The following TCEA1 variants were observed in gnomAD, a reference collection of about 807,000 sequenced individuals.
TCEA1 encodes transcription elongation factor A1, also known as transcription elongation factor A protein 1.
TCEA1 carries 21 observed loss-of-function variants against 43.8 expected under a neutral mutation model. That is an observed-to-expected ratio of 0.48 (90% CI 0.34 to 0.69). The LOEUF (loss-of-function observed/expected upper bound fraction) is 0.69, where lower values mean the gene tolerates loss of function less well. TCEA1 is among the 30% of genes least tolerant of loss of function. The probability of loss-of-function intolerance (pLI) is 0.01; values close to 1 mark genes in which losing one functional copy is unlikely to be tolerated. For missense variants in TCEA1, 250 were observed against 365.1 expected (o/e 0.68, Z 2.57); for synonymous variants, 104 against 117.5 (o/e 0.88, Z 0.75).
intron 2 of TCEA1, among the ~76,000 whole-genome samples, chr8:54,004,570 C>T (rs1804378333): frequency 6.6e-6 from 1 of 152,148 alleles, no homozygotes; most frequent in Admixed American, 6.5e-5. Flanking sequence ...AACTCCAGAA[C>T]AGGCAAACCT....
intron 7 of TCEA1, among the ~76,000 whole-genome samples, chr8:53,981,927 CTTTTTT>C (rs35034211): frequency 7.8e-6 from 1 of 128,168 alleles, no homozygotes; most frequent in Non-Finnish European, 1.7e-5. Context: ...GCTAAGTTTT[CTTTTTT>C]TTTTTTTTTT....
At chr8:54,008,960 G>A (rs1283389779) in intron 2 of TCEA1, among the ~76,000 whole-genome samples, 4 of 149,712 alleles carry the variant, frequency 2.7e-5, no homozygotes, top group Non-Finnish European at 4.4e-5. Context: ...ACTGATTCTC[G>A]TGCCTCAGCC....
intron 3 of TCEA1, among the ~76,000 whole-genome samples, chr8:53,998,461 C>T (rs1804138616): frequency 6.6e-6 from 1 of 151,976 alleles, no homozygotes; most frequent in African/African-American, 2.4e-5. Flanking sequence ...TTCTTTTAGC[C>T]CTACTTGAGG....
chr8:53,991,730 C>T lies in TCEA1; in HGVS notation c.320+1938G>A, dbSNP rs188781251. Among the ~76,000 whole-genome samples the T allele has an allele frequency of 3.0e-3, 461 of 151,494 alleles. 1 individual carries two copies. The highest frequency in any genetic ancestry group is 4.6e-3 in the Admixed American group (70 of 15,216). Reference sequence around the variant, plus strand: ...AATAATAATAATAAAATAATAAAAACAAAGACAATGAGAGACTGAGGAACT... The same window carrying T: ...AATAATAATAATAAAATAATAAAAATAAAGACAATGAGAGACTGAGGAACT... On this transcript the variant is annotated intron_variant, in intron 4 of 9. Transcript: ENST00000521604.
At chr8:53,969,158 C>T (rs1187035421) in intron 9 of TCEA1, among the ~76,000 whole-genome samples, 2 of 152,138 alleles carry the variant, frequency 1.3e-5, no homozygotes, top group African/African-American at 4.8e-5. Flanking sequence ...GGCATGGTGG[C>T]ACATTCCTGT....
chr8:53,975,278 G>A (rs1030904816), intron 8 of TCEA1, among the ~76,000 whole-genome samples: 4 of 152,062 alleles, frequency 2.6e-5, no homozygotes, highest in Admixed American at 6.5e-5. Context: ...CAAAATACTG[G>A]TAATTGTTCT....
At chr8:54,003,185 C>T (rs766316887) in intron 2 of TCEA1, 1 of 391,020 alleles carries the variant, frequency 2.6e-6, no homozygotes, top group African/African-American at 2.1e-5. Flanking sequence ...AAGAAACACA[C>T]AGCTACTATA....
chr8:53,984,331 A>G (rs2129302380), intron 7 of TCEA1, 32 bp downstream of exon 7: 1 of 1,562,510 alleles, frequency 6.4e-7, no homozygotes, highest in South Asian at 1.2e-5. Flanking sequence ...ACAGAATCAC[A>G]TTATAGAAAC....
At chr8:53,970,304 T>TTA (rs777718800) in intron 9 of TCEA1, 88 bp downstream of exon 9, 2 of 873,460 alleles carry the variant, frequency 2.3e-6, no homozygotes, top group Admixed American at 3.5e-5. Context: ...CTGTATATAT[T>TTA]TAGATATCTA....
chr8:54,005,441 T>C (rs1804408552), intron 2 of TCEA1, among the ~76,000 whole-genome samples: 1 of 152,178 alleles, frequency 6.6e-6, no homozygotes, highest in Non-Finnish European at 1.5e-5. Context: ...TGCATATACT[T>C]GTTTCATAGG....
At chr8:54,010,179 T>A (rs1456308804) in intron 2 of TCEA1, 1 of 372,772 alleles carries the variant, frequency 2.7e-6, no homozygotes, top group African/African-American at 2.2e-5. Flanking sequence ...CAACTTCCTC[T>A]CACAGTGAGA....
At position 54,003,298 on chromosome 8, in the gene TCEA1, C is replaced by T. The variant is rs1168941391; in HGVS notation, c.127-3248G>A. On this transcript the variant is annotated intron_variant, in intron 2 of 9. Transcript: ENST00000521604. ...GTTAAGACTGCAATACTAATCAAGT[C>T]GAACTACTGACTCAATGCAATGCCT... Among the ~76,000 whole-genome samples, 5 of 152,242 alleles carry T rather than the reference C, an allele frequency of 3.3e-5. No homozygotes were observed. The East Asian group carries it at 7.7e-4, about 24-fold the overall frequency.
At chr8:53,973,796 C>T (rs561274069) in intron 8 of TCEA1, 20 of 417,740 alleles carry the variant, frequency 4.8e-5, no homozygotes, top group Admixed American at 4.7e-4. Flanking sequence ...ATCCCAATTT[C>T]AAGAAAACAA....
At chr8:54,020,856 C>T (rs539046527) in intron 1 of TCEA1, among the ~76,000 whole-genome samples, 1 of 152,118 alleles carries the variant, frequency 6.6e-6, no homozygotes, top group Admixed American at 6.5e-5. Flanking sequence ...ATGTGCCGAA[C>T]GTGGTTAAAC....
intron 1 of TCEA1, among the ~76,000 whole-genome samples, chr8:54,013,659 C>A (rs979041256): frequency 2.8e-5 from 3 of 108,892 alleles, no homozygotes; most frequent in Non-Finnish European, 3.4e-5. Context: ...CCAACCTGGA[C>A]GATAGAGCAA....
intron 8 of TCEA1, chr8:53,972,595 T>C (rs1803191473): frequency 2.5e-5 from 14 of 567,676 alleles, no homozygotes; most frequent in South Asian, 1.7e-4. Context: ...GGAGGTGTTA[T>C]ATTTCCTGTA....
intron 8 of TCEA1, chr8:53,973,452 G>T: frequency 2.0e-6 from 1 of 507,006 alleles, no homozygotes; most frequent in Admixed American, 2.9e-5. Flanking sequence ...TGATATGAAT[G>T]ACCAGTACTT....
chr8:54,008,074 G>A (rs186029561), intron 2 of TCEA1, among the ~76,000 whole-genome samples: 1 of 151,200 alleles, frequency 6.6e-6, no homozygotes, highest in Non-Finnish European at 1.5e-5. Context: ...CCCAGCTACT[G>A]GGGAGGCTAA....
chr8:53,972,752 G>T, intron 8 of TCEA1: 1 of 708,388 alleles, frequency 1.4e-6, no homozygotes, highest in South Asian at 1.4e-5. Flanking sequence ...TCAAATGACT[G>T]AAGTACTATT....
Sources: gnomAD v4.1 joint callset for allele counts (sites outside exome capture counted in the v4.1 genomes callset) on GRCh38, gnomAD v4.1.1 for gene constraint, MANE v1.5 for transcripts, NCBI Gene and HGNC (gene_info 2026-07-23, HGNC 2026-07-21) for gene names.